PANK1: variants seen among roughly 807,000 people sequenced by gnomAD.
PANK1 encodes the protein pantothenic acid kinase 1.
Under a neutral mutation model 40.1 loss-of-function variants are expected in PANK1, and 18 were observed. The observed-to-expected ratio is 0.45, with a 90% CI of 0.31 to 0.67. The LOEUF is 0.67. Ranked by LOEUF, PANK1 falls within the 30% of genes least tolerant of loss-of-function variation. The pLI is 0.06. For missense variants in PANK1, 457 were observed against 599.6 expected, an observed-to-expected ratio of 0.76 and a Z score of 2.48; for synonymous variants, 242 against 237.7, an observed-to-expected ratio of 1.02 and a Z score of -0.17.
chr10:89,640,053 T>G (rs577330787), intron 1 of PANK1, among the ~76,000 whole-genome samples: 1 of 152,320 alleles, frequency 6.6e-6, no homozygotes, highest in East Asian at 1.9e-4. Context: ...TGGGTTACAA[T>G]TTTGGCCCTG....
chr10:89,616,959 A>G (rs1845339154), intron 1 of PANK1, among the ~76,000 whole-genome samples: 1 of 152,172 alleles, frequency 6.6e-6, no homozygotes, highest in Non-Finnish European at 1.5e-5. Flanking sequence ...CTGAAAAACA[A>G]TGTTGAAGGA....
intron 2 of PANK1, among the ~76,000 whole-genome samples, chr10:89,610,015 G>A (rs568943568): frequency 1.3e-5 from 2 of 152,324 alleles, no homozygotes; most frequent in South Asian, 2.1e-4. Flanking sequence ...TCAGAGCAAT[G>A]AGAGTGGATC....
intron 2 of PANK1, among the ~76,000 whole-genome samples, chr10:89,610,128 C>T (rs6586201): frequency 0.75 from 114,441 of 152,174 alleles, 43,254 homozygotes; most frequent in South Asian, 0.89. Flanking sequence ...TTCTTATCTA[C>T]GTAGCACAAG....
rs1430095528 is a variant in PANK1 at position 89,584,449 on chromosome 10, A to G, written c.1343T>C (p.Val448Ala). 1.2e-6 allele frequency: 2 copies of G among 1,608,010 alleles called. No homozygotes were observed. The highest frequency in any genetic ancestry group is 2.2e-5 in the East Asian group (1 of 44,836). Residue 448 changes from valine to alanine, a missense_variant, in exon 7 of 7, where the codon GTT becomes GCT. By Grantham distance (64) the Val-to-Ala change is moderately conservative (BLOSUM62 0). This residue lies in a region of PANK1 where 22 missense variants were observed against 24.6 expected (regional missense o/e 0.89). Transcript: ENST00000307534. ...FLEHEGYFGA[V>A]GALLELFKMT... Reference sequence around the variant, plus strand: ...TTTGAACAGTTCCAACAGTGCCCCAACGGCTCCAAAATAACCCTACGAAAA... The same window carrying G: ...TTTGAACAGTTCCAACAGTGCCCCAGCGGCTCCAAAATAACCCTACGAAAA...
intron 5 of PANK1, among the ~76,000 whole-genome samples, chr10:89,589,907 G>A (rs949996361): frequency 6.6e-6 from 1 of 151,714 alleles, no homozygotes; most frequent in African/African-American, 2.4e-5. Context: ...GAGTCCAAGG[G>A]AGGATTTGCT....
Position 89,645,137 on chromosome 10 carries a change from C to A in PANK1, c.-246G>T. On this transcript the variant is annotated 5_prime_UTR_variant, in exon 1 of 7. Transcript: ENST00000307534. ...GCCTGGAGCACGCCAGCCCCGGGCG[C>A]GGAATCGGGGATCCCCGCGCACCCC... The A allele has an allele frequency of 6.6e-7, 1 of 1,509,580 alleles. No individual in the cohort carries two copies. 93.5% of individuals were successfully genotyped at this position (1,509,580 alleles called of 1,614,324 possible).
intron 1 of PANK1, among the ~76,000 whole-genome samples, chr10:89,641,377 A>G (rs938111325): frequency 1.3e-5 from 2 of 152,184 alleles, no homozygotes; most frequent in African/African-American, 4.8e-5. Flanking sequence ...AACTGGTAAC[A>G]GATTTGGGGT....
chr10:89,600,363 T>C (rs926465551), intron 2 of PANK1, among the ~76,000 whole-genome samples: 3 of 152,224 alleles, frequency 2.0e-5, no homozygotes, highest in Non-Finnish European at 4.4e-5. Flanking sequence ...CTCCCCTTTT[T>C]CCAGGCTTGG....
intron 1 of PANK1, among the ~76,000 whole-genome samples, chr10:89,629,504 A>AT (rs1369038565): frequency 6.6e-6 from 1 of 152,134 alleles, no homozygotes; most frequent in Non-Finnish European, 1.5e-5. Context: ...GAAGAGTGAG[A>AT]TTTTTTCAAA....
intron 1 of PANK1, chr10:89,625,673 A>G (rs1395597262): frequency 6.6e-6 from 1 of 152,198 alleles, no homozygotes; most frequent in East Asian, 1.9e-4. Flanking sequence ...AAATTAGAAC[A>G]ACAAATAGAA....
chr10:89,607,949 C>T (rs1328354325), intron 2 of PANK1, among the ~76,000 whole-genome samples: 1 of 151,394 alleles, frequency 6.6e-6, no homozygotes, highest in African/African-American at 2.4e-5. Flanking sequence ...AGTTTTTCTT[C>T]TGTGTTCCAT....
intron 3 of PANK1, among the ~76,000 whole-genome samples, chr10:89,594,822 C>G (rs1844515271): frequency 1.3e-5 from 2 of 152,240 alleles, no homozygotes; most frequent in South Asian, 4.2e-4. Context: ...GTATTAATAT[C>G]AAAGTTACCT....
chr10:89,604,686 C>A (rs1844892008), intron 2 of PANK1, among the ~76,000 whole-genome samples: 2 of 115,100 alleles, frequency 1.7e-5, no homozygotes, highest in South Asian at 6.2e-4. Flanking sequence ...GACTGAAACT[C>A]CGTCTCAAAA....
chr10:89,630,037 C>T (rs1564635581), intron 1 of PANK1, among the ~76,000 whole-genome samples: 1 of 152,160 alleles, frequency 6.6e-6, no homozygotes, highest in Non-Finnish European at 1.5e-5. Flanking sequence ...TACCCATTTA[C>T]TTGTTATGTA....
intron 1 of PANK1, among the ~76,000 whole-genome samples, chr10:89,644,347 C>T (rs1249920825): frequency 1.3e-5 from 2 of 152,226 alleles, no homozygotes; most frequent in African/African-American, 2.4e-5. Flanking sequence ...GACCTAGGGA[C>T]CCGCTCAAGC....
At position 89,645,132 on chromosome 10, in the gene PANK1, G is replaced by A. The variant is rs879203788; in HGVS notation, c.-241C>T. 5 of 1,506,024 alleles carry A rather than the reference G, an allele frequency of 3.3e-6. No individual in the cohort carries two copies. Among genetic ancestry groups the A allele is most frequent in the South Asian group, 2.5e-5 (2 of 79,842 alleles). The allele number at this position is 1,506,024 out of a possible 1,614,324, so 93.3% of individuals were successfully genotyped here. A position where few individuals can be genotyped will look rare whatever the true frequency, so the allele number is the denominator to read the frequency against. Reference sequence around the variant, plus strand: ...CGCCGGCCTGGAGCACGCCAGCCCCGGGCGCGGAATCGGGGATCCCCGCGC... The same window carrying A: ...CGCCGGCCTGGAGCACGCCAGCCCCAGGCGCGGAATCGGGGATCCCCGCGC... On this transcript the variant is annotated 5_prime_UTR_variant, in exon 1 of 7. Coordinates refer to ENST00000307534, the MANE Select transcript of PANK1 (RefSeq NM_148977.3).
At chr10:89,623,027 C>A (rs963660567) in intron 1 of PANK1, among the ~76,000 whole-genome samples, 1 of 151,916 alleles carries the variant, frequency 6.6e-6, no homozygotes, top group African/African-American at 2.4e-5. Flanking sequence ...CATTATCTAT[C>A]GTTAGGTGAA....
Position 89,608,070 on chromosome 10 carries a change from C to T in PANK1, c.645+3626G>A, listed in dbSNP as rs12413738. ...TTTTTGAGGTGGAGTCTGGCCTCGT[C>T]GCCCCGGCTGGAGTGCAGTGTTGCC... On this transcript the variant is annotated intron_variant, in intron 2 of 6. Transcript: ENST00000307534. Among the ~76,000 whole-genome samples, 413 of 147,388 alleles carry T rather than the reference C, an allele frequency of 2.8e-3. 5 individuals carry two copies. The highest frequency in any genetic ancestry group is 0.02 in the Admixed American group (292 of 14,680).
chr10:89,593,499 A>G (rs983727236), intron 4 of PANK1, among the ~76,000 whole-genome samples, 179 bp from the exon 5 acceptor site: 19 of 150,432 alleles, frequency 1.3e-4, no homozygotes, highest in African/African-American at 4.4e-4. Flanking sequence ...CCTTTTCTTA[A>G]TAGGGACAAA....
Sources: gnomAD v4.1 joint callset for allele counts (sites outside exome capture counted in the v4.1 genomes callset) on GRCh38, gnomAD v4.1.1 for gene constraint, gnomAD v4.1.1 regional missense constraint, MANE v1.5 for transcripts, NCBI Gene and HGNC (gene_info 2026-07-23, HGNC 2026-07-21) for gene names.